The following ANXA8 variants were observed in gnomAD, a reference collection of about 807,000 sequenced individuals.
ANXA8 encodes VAC-beta.
ANXA8 carries 9 observed loss-of-function variants against 26.8 expected under a neutral mutation model. That is an observed-to-expected ratio of 0.34 (90% CI 0.20 to 0.59). The LOEUF (loss-of-function observed/expected upper bound fraction) is 0.59, where lower values mean the gene tolerates loss of function less well. Ranked by LOEUF, ANXA8 falls within the 20% of genes least tolerant of loss-of-function variation. The probability of loss-of-function intolerance (pLI) is 0.84; values close to 1 mark genes in which losing one functional copy is unlikely to be tolerated. For missense variants in ANXA8, 83 were observed against 238.5 expected (o/e 0.35, Z 4.29); for synonymous variants, 39 against 94.8 (o/e 0.41, Z 3.42).
the ANXA8 span, among the ~76,000 whole-genome samples, chr10:47,978,249 G>A: frequency 1.6e-4 from 24 of 151,462 alleles, no homozygotes; most frequent in Non-Finnish European, 2.8e-4. Context: ...GAAATGTCCA[G>A]ATAAATGAAA....
chr10:47,521,527 C>T, the ANXA8 span, among the ~76,000 whole-genome samples: 1 of 140,468 alleles, frequency 7.1e-6, no homozygotes, highest in African/African-American at 2.7e-5. Context: ...AAGACATTTC[C>T]TCTAGAGTAA....
chr10:47,485,741 GAGA>G (rs1224843055), upstream of ANXA8, among the ~76,000 whole-genome samples: 2 of 151,842 alleles, frequency 1.3e-5, no homozygotes, highest in African/African-American at 4.9e-5. Flanking sequence ...ACTTGCTCAT[GAGA>G]AGGAGAGAGG....
At chr10:47,564,397 A>G in the ANXA8 span, 3 of 822,928 alleles carry the variant, frequency 3.6e-6, no homozygotes, top group Admixed American at 2.2e-5. Flanking sequence ...AGCTCCGTCA[A>G]CATCTGCTGC....
chr10:47,980,111 A>G, the ANXA8 span, among the ~76,000 whole-genome samples: 1 of 151,082 alleles, frequency 6.6e-6, no homozygotes, highest in Non-Finnish European at 1.5e-5. Flanking sequence ...TCAAAACCAA[A>G]AACAGAAAGA....
the ANXA8 span, among the ~76,000 whole-genome samples, chr10:47,668,437 T>A: frequency 6.8e-6 from 1 of 147,614 alleles, no homozygotes; most frequent in Non-Finnish European, 1.5e-5. Flanking sequence ...CTAGCTAACT[T>A]TTTTGATTTT....
chr10:47,701,944 C>T, the ANXA8 span, among the ~76,000 whole-genome samples: 5 of 150,958 alleles, frequency 3.3e-5, 1 homozygote, highest in South Asian at 2.1e-4. Flanking sequence ...TTCTATAAGG[C>T]TAATGACAGA....
chr10:47,720,978 C>G, the ANXA8 span, among the ~76,000 whole-genome samples: 2 of 131,406 alleles, frequency 1.5e-5, no homozygotes, highest in Non-Finnish European at 3.3e-5. Flanking sequence ...GAAACCCCAT[C>G]TCTACCAAAA....
At chr10:47,680,662 A>C in the ANXA8 span, among the ~76,000 whole-genome samples, 1 of 152,116 alleles carries the variant, frequency 6.6e-6, no homozygotes, top group South Asian at 2.1e-4. Flanking sequence ...ATTGTACCCC[A>C]TAAGTATGTA....
At chr10:47,712,695 CAT>C in the ANXA8 span, among the ~76,000 whole-genome samples, 1 of 56,832 alleles carries the variant, frequency 1.8e-5, no homozygotes, top group Non-Finnish European at 3.5e-5. Flanking sequence ...GTTTGAATTT[CAT>C]ATGTGTGTGA....
the ANXA8 span, among the ~76,000 whole-genome samples, chr10:47,667,890 C>T: frequency 6.6e-6 from 1 of 151,888 alleles, no homozygotes; most frequent in Non-Finnish European, 1.5e-5. Flanking sequence ...GGTGTACCAC[C>T]ACGACTGGCT....
chr10:47,587,754 G>A, the ANXA8 span, among the ~76,000 whole-genome samples: 1 of 146,592 alleles, frequency 6.8e-6, no homozygotes, highest in East Asian at 1.9e-4. Context: ...TGATGACTTA[G>A]TGTGCTTCCA....
At chr10:47,577,243 A>T in the ANXA8 span, among the ~76,000 whole-genome samples, 1 of 136,126 alleles carries the variant, frequency 7.3e-6, no homozygotes, top group African/African-American at 2.8e-5. Flanking sequence ...AAAAAAAAAA[A>T]CAGGGTTGGG....
chr10:47,488,799 C>T (rs1445574335), upstream of ANXA8, among the ~76,000 whole-genome samples: 1 of 131,200 alleles, frequency 7.6e-6, no homozygotes, highest in Non-Finnish European at 1.5e-5. Flanking sequence ...GCGATCTCGG[C>T]TCACTGCAAG....
the ANXA8 span, among the ~76,000 whole-genome samples, chr10:47,733,149 CTTTCTTT>C: frequency 2.9e-3 from 196 of 68,228 alleles, no homozygotes; most frequent in Non-Finnish European, 3.6e-3. Flanking sequence ...CCTAATCTTT[CTTTCTTT>C]CTTTCTTTCT....
At chr10:47,526,509 C>G in the ANXA8 span, among the ~76,000 whole-genome samples, 1 of 132,098 alleles carries the variant, frequency 7.6e-6, no homozygotes, top group African/African-American at 3.4e-5. Context: ...TCCCAACTCT[C>G]AATGAGTTTA....
At chr10:47,546,041 C>G in the ANXA8 span, among the ~76,000 whole-genome samples, 1 of 74,158 alleles carries the variant, frequency 1.3e-5, no homozygotes, top group Admixed American at 1.7e-4. Flanking sequence ...AAGGCTGGGT[C>G]TAACCTGGCC....
the ANXA8 span, among the ~76,000 whole-genome samples, chr10:47,495,815 A>T: frequency 6.6e-6 from 1 of 151,224 alleles, no homozygotes; most frequent in Non-Finnish European, 1.5e-5. Context: ...GGAAGTGCAG[A>T]AGAACAGGGC....
the ANXA8 span, among the ~76,000 whole-genome samples, chr10:47,645,546 A>G: frequency 6.6e-6 from 1 of 151,148 alleles, no homozygotes; most frequent in South Asian, 2.1e-4. Flanking sequence ...AAAGAAAGAG[A>G]AAGAAGAAGA....
chr10:47,665,447 A>C, the ANXA8 span, among the ~76,000 whole-genome samples: 51 of 151,408 alleles, frequency 3.4e-4, no homozygotes, highest in African/African-American at 1.2e-3. Context: ...ACATTCTTTC[A>C]GTTGGAAATC....
Sources: gnomAD v4.1 joint callset for allele counts (sites outside exome capture counted in the v4.1 genomes callset) on GRCh38, gnomAD v4.1.1 for gene constraint, MANE v1.5 for transcripts, NCBI Gene and HGNC (gene_info 2026-07-23, HGNC 2026-07-21) for gene names.